The following ANKIB1 variants were observed in gnomAD, a reference collection of about 807,000 sequenced individuals.
The protein encoded by ANKIB1 is ankyrin repeat and IBR domain containing 1.
In ANKIB1, 43 loss-of-function variants were observed where a neutral mutation model predicts 122.1. That is an observed-to-expected ratio of 0.35 (90% CI 0.28 to 0.45). The LOEUF is 0.45. Ranked by LOEUF, ANKIB1 falls within the 20% of genes least tolerant of loss-of-function variation. The probability of loss-of-function intolerance (pLI) is 1.00; values close to 1 mark genes in which losing one functional copy is unlikely to be tolerated. For synonymous variants in ANKIB1, 390 were observed against 442.0 expected (o/e 0.88, Z 1.48); for missense variants, 992 against 1,329.5 (o/e 0.75, Z 3.95).
chr7:92,271,956 G>A (rs886634027), intron 1 of ANKIB1, among the ~76,000 whole-genome samples: 3 of 152,122 alleles, frequency 2.0e-5, no homozygotes, highest in Non-Finnish European at 4.4e-5. Context: ...TTAGAAAAGT[G>A]AATTTTAAAA....
intron 1 of ANKIB1, among the ~76,000 whole-genome samples, chr7:92,266,426 G>A (rs940720390): frequency 6.6e-6 from 1 of 152,170 alleles, no homozygotes; most frequent in Non-Finnish European, 1.5e-5. Context: ...ATTACCACTA[G>A]GCCTGAGGCA....
intron 5 of ANKIB1, among the ~76,000 whole-genome samples, chr7:92,334,967 A>T (rs1291685526): frequency 6.6e-6 from 1 of 151,984 alleles, no homozygotes; most frequent in Non-Finnish European, 1.5e-5. Flanking sequence ...AAGTTCAAAC[A>T]ATATGCTCTT....
chr7:92,371,951 GTGTGTGTGTGTGT>G (rs1449888689), intron 11 of ANKIB1, among the ~76,000 whole-genome samples: 4 of 2,542 alleles, frequency 1.6e-3, no homozygotes, highest in Non-Finnish European at 6.1e-3. Flanking sequence ...TGAGAGAGGG[GTGTGTGTGTGTGT>G]GTGTGTGTGT....
At chr7:92,345,209 G>A in intron 7 of ANKIB1, 143 bp downstream of exon 7, 1 of 583,168 alleles carries the variant, frequency 1.7e-6, no homozygotes, top group African/African-American at 1.9e-5. Flanking sequence ...GACTTTACTA[G>A]TAAGGAAAAA....
At chr7:92,299,891 C>T (rs1285231901) in intron 2 of ANKIB1, among the ~76,000 whole-genome samples, 1 of 152,062 alleles carries the variant, frequency 6.6e-6, no homozygotes, top group African/African-American at 2.4e-5. Flanking sequence ...ACTGCAGCCT[C>T]GACCTCAGGC....
At chr7:92,380,493 A>G (rs1311344262) in intron 11 of ANKIB1, among the ~76,000 whole-genome samples, 2 of 152,150 alleles carry the variant, frequency 1.3e-5, no homozygotes, top group African/African-American at 4.8e-5. Context: ...GGGCCGACTG[A>G]CACCTCATAC....
intron 6 of ANKIB1, among the ~76,000 whole-genome samples, chr7:92,344,708 G>A (rs571883534): frequency 1.3e-5 from 2 of 152,204 alleles, no homozygotes; most frequent in Admixed American, 6.5e-5. Flanking sequence ...TTTTCCAAAC[G>A]CACAGTTGCT....
intron 8 of ANKIB1, 48 bp from the exon 9 acceptor site, chr7:92,352,428 T>C: frequency 6.3e-7 from 1 of 1,579,296 alleles, no homozygotes; most frequent in Non-Finnish European, 8.7e-7. Flanking sequence ...TATTAGAATT[T>C]AGCATTAAAA....
At chr7:92,274,360 G>A (rs1050732589) in intron 1 of ANKIB1, among the ~76,000 whole-genome samples, 5 of 152,110 alleles carry the variant, frequency 3.3e-5, no homozygotes, top group African/African-American at 1.2e-4. Context: ...TTTATGCTTA[G>A]GTCAAAATTA....
intron 11 of ANKIB1, among the ~76,000 whole-genome samples, chr7:92,376,294 G>A (rs1262702282): frequency 2.6e-5 from 4 of 152,220 alleles, no homozygotes; most frequent in African/African-American, 7.2e-5. Flanking sequence ...ATCCTAGATG[G>A]CACTGTCTCC....
At chr7:92,394,537 G>C (rs1174103609) in intron 17 of ANKIB1, among the ~76,000 whole-genome samples, 1 of 152,188 alleles carries the variant, frequency 6.6e-6, no homozygotes, top group African/African-American at 2.4e-5. Flanking sequence ...AATATGTATA[G>C]TCTATGGTCA....
At chr7:92,371,950 G>GGTGTGTGTGTGTGTGTGT (rs55936298) in intron 11 of ANKIB1, among the ~76,000 whole-genome samples, 2 of 118,066 alleles carry the variant, frequency 1.7e-5, no homozygotes, top group Admixed American at 9.1e-5. Context: ...TTGAGAGAGG[G>GGTGTGTGTGTGTGTGTGT]GTGTGTGTGT....
chr7:92,267,555 T>C (rs533855969), intron 1 of ANKIB1, among the ~76,000 whole-genome samples: 1 of 152,368 alleles, frequency 6.6e-6, no homozygotes, highest in South Asian at 2.1e-4. Flanking sequence ...TAGAGATTTT[T>C]ATTTGTCTTG....
intron 2 of ANKIB1, among the ~76,000 whole-genome samples, chr7:92,295,788 GT>G (rs1802343003): frequency 6.6e-6 from 1 of 152,146 alleles, no homozygotes; most frequent in Non-Finnish European, 1.5e-5. Flanking sequence ...GGAAGCTTTA[GT>G]GACATAGCAA....
intron 1 of ANKIB1, among the ~76,000 whole-genome samples, chr7:92,261,505 G>A (rs1285550163): frequency 6.6e-6 from 1 of 152,076 alleles, no homozygotes; most frequent in Non-Finnish European, 1.5e-5. Flanking sequence ...TGACTGCAAT[G>A]ATTCCTAACA....
At chr7:92,282,836 T>A (rs2131904028) in intron 1 of ANKIB1, among the ~76,000 whole-genome samples, 1 of 152,338 alleles carries the variant, frequency 6.6e-6, no homozygotes, top group South Asian at 2.1e-4. Context: ...TTTAGAGAGC[T>A]GTGATCATTA....
Position 92,315,162 on chromosome 7 carries a change from G to T in ANKIB1, c.487-4168G>T, listed in dbSNP as rs532628636. On this transcript the variant is annotated intron_variant, in intron 3 of 19. Coordinates refer to ENST00000265742, the MANE Select transcript of ANKIB1 (RefSeq NM_019004.2). Reference sequence around the variant, plus strand: ...ATTAACTTTATTTTTAAATAAGATGGGCATGATTTTGAGCCCAAGTGACTT... The same window carrying T: ...ATTAACTTTATTTTTAAATAAGATGTGCATGATTTTGAGCCCAAGTGACTT... Among the ~76,000 whole-genome samples the T allele has an allele frequency of 2.0e-5, 3 of 152,172 alleles. No individual in the cohort carries two copies. The East Asian group carries it at 5.8e-4, about 29-fold the overall frequency.
intron 11 of ANKIB1, among the ~76,000 whole-genome samples, chr7:92,372,303 G>A (rs915245774): frequency 6.6e-6 from 1 of 151,870 alleles, no homozygotes; most frequent in African/African-American, 2.4e-5. Context: ...TATTTACATA[G>A]CATGTACATT....
intron 11 of ANKIB1, among the ~76,000 whole-genome samples, chr7:92,376,136 G>A (rs1279558554): frequency 6.6e-6 from 1 of 152,202 alleles, no homozygotes; most frequent in African/African-American, 2.4e-5. Context: ...AGTAGATTTA[G>A]CATAGTTCTT....
Sources: allele counts gnomAD v4.1 joint callset (sites outside exome capture counted in the v4.1 genomes callset), GRCh38; gene constraint gnomAD v4.1.1; transcripts MANE v1.5; gene names NCBI Gene and HGNC (gene_info 2026-07-23, HGNC 2026-07-21).